Variants in AVPI1 observed in about 807,000 individuals in gnomAD.
AVPI1 encodes arginine vasopressin induced 1.
AVPI1 carries 9 observed loss-of-function variants against 11.9 expected under a neutral mutation model. That is an observed-to-expected ratio of 0.76 (90% CI 0.46 to 1.32). The LOEUF is 1.32. Ranked by LOEUF, AVPI1 falls within the 40% of genes most tolerant of loss-of-function variation. AVPI1 has a pLI of 0.00. For synonymous variants in AVPI1, 68 were observed against 78.1 expected (o/e 0.87, Z 0.68); for missense variants, 207 against 195.8 (o/e 1.06, Z -0.34).
At chr10:97,686,034 G>A (rs796176472) in intron 1 of AVPI1, among the ~76,000 whole-genome samples, 1 of 152,184 alleles carries the variant, frequency 6.6e-6, no homozygotes, top group Non-Finnish European at 1.5e-5. Flanking sequence ...TGTAATCCCA[G>A]CACTTTGGGA....
In AVPI1 at chr10:97,678,033, G is replaced by T; in HGVS notation, c.288-8C>A. 1 of 1,612,526 alleles carries T rather than the reference G, an allele frequency of 6.2e-7. No individual in the cohort carries two copies. Among genetic ancestry groups the T allele is most frequent in the South Asian group, 1.1e-5 (1 of 90,910 alleles). On this transcript the variant is annotated splice_polypyrimidine_tract_variant and splice_region_variant and intron_variant, in intron 2 of 2. Coordinates refer to ENST00000370626, the MANE Select transcript of AVPI1 (RefSeq NM_021732.3). ...GAGTGGGGCTCCAGGATTCTGCAGAGAACAAGTGTATGATTAGCCAACATC... is the reference window on the plus strand; with the variant it reads ...GAGTGGGGCTCCAGGATTCTGCAGATAACAAGTGTATGATTAGCCAACATC...
chr10:97,684,636 G>A (rs2041720305), intron 1 of AVPI1, among the ~76,000 whole-genome samples: 1 of 151,662 alleles, frequency 6.6e-6, no homozygotes, highest in South Asian at 2.1e-4. Flanking sequence ...AAGTAGCTGG[G>A]ATTACAGGTG....
intron 1 of AVPI1, among the ~76,000 whole-genome samples, chr10:97,683,953 G>C (rs1425084188): frequency 6.6e-6 from 1 of 151,858 alleles, no homozygotes. Flanking sequence ...AATTCCACCC[G>C]CAGGTAAGTC....
chr10:97,677,822 C>T lies in AVPI1; in HGVS notation c.*47G>A, dbSNP rs781241141. On this transcript the variant is annotated 3_prime_UTR_variant, in exon 3 of 3. Transcript: ENST00000370626. ...TCTCTCTTCCTTCACCTCCCCAGGC[C>T]TTTTGGCAAGAGGGAAGACACTGCC... The T allele has an allele frequency of 6.2e-7, 1 of 1,606,076 alleles. No homozygotes were observed. The highest frequency in any genetic ancestry group is 1.7e-5 in the Admixed American group (1 of 59,566).
At chr10:97,686,619 G>A (rs1332213907) in intron 1 of AVPI1, 147 bp downstream of exon 1, 2 of 152,206 alleles carry the variant, frequency 1.3e-5, no homozygotes, top group Admixed American at 6.5e-5. Context: ...GTCTTCTGGG[G>A]AAGGTCGGTC....
intron 2 of AVPI1, among the ~76,000 whole-genome samples, chr10:97,678,940 T>TTTTCAGAGACA (rs1564779855): frequency 9.6e-5 from 4 of 41,594 alleles, no homozygotes; most frequent in African/African-American, 2.0e-4. Flanking sequence ...TGTGTGTGTG[T>TTTTCAGAGACA]GTGTGTGTGT....
At chr10:97,686,668 T>A (rs4561136) in intron 1 of AVPI1, 98 bp downstream of exon 1, 1 of 152,130 alleles carries the variant, frequency 6.6e-6, no homozygotes, top group East Asian at 1.9e-4. Context: ...CTGTAGATTG[T>A]GGAAGGAGCA....
rs189135795 is a variant in AVPI1 at position 97,681,401 on chromosome 10, T to G, written c.-10-1486A>C. Among the ~76,000 whole-genome samples the G allele has an allele frequency of 7.5e-3, 1,142 of 151,532 alleles. 4 individuals are homozygous for G. The highest frequency in any genetic ancestry group is 0.012 in the Non-Finnish European group (846 of 67,926). Reference sequence around the variant, plus strand: ...AGTTCAAGACCAGCCTGACCAACATTGAGAAACTCCGTCTCTACTAAAAAT... The same window carrying G: ...AGTTCAAGACCAGCCTGACCAACATGGAGAAACTCCGTCTCTACTAAAAAT... On this transcript the variant is annotated intron_variant, in intron 1 of 2. Transcript: ENST00000370626.
intron 1 of AVPI1, 29 bp downstream of exon 1, chr10:97,686,737 C>T (rs1253376949): frequency 1.3e-5 from 2 of 152,298 alleles, no homozygotes; most frequent in African/African-American, 4.8e-5. Context: ...CACTCCACTG[C>T]CCGGTGGAGA....
chr10:97,687,176 C>A lies in AVPI1; in HGVS notation c.-421G>T, dbSNP rs1028391162. 6.6e-6 allele frequency: 1 copy of A among 152,402 alleles called. No homozygotes were observed. The highest frequency in any genetic ancestry group is 2.4e-5 in the African/African-American group (1 of 41,468). The allele number at this position is 152,402 out of a possible 1,614,324, so 9.4% of individuals were successfully genotyped here. On this transcript the variant is annotated 5_prime_UTR_variant, in exon 1 of 3. Coordinates refer to ENST00000370626, the MANE Select transcript of AVPI1 (RefSeq NM_021732.3). ...CTGGTCCGGGCCACTTGGGTCACAG[C>A]CGCGGTTCCCGGGAGAAAGCGCTCC... is the stretch of plus-strand genomic sequence containing the variant.
intron 2 of AVPI1, among the ~76,000 whole-genome samples, chr10:97,678,580 A>G (rs976644844): frequency 4.6e-5 from 7 of 151,998 alleles, no homozygotes; most frequent in Non-Finnish European, 1.0e-4. Flanking sequence ...CTGGGGAGAG[A>G]TCTCAAGGTA....
intron 2 of AVPI1, 115 bp from the exon 3 acceptor site, chr10:97,678,140 G>A (rs959608891): frequency 1.4e-5 from 16 of 1,155,276 alleles, no homozygotes; most frequent in African/African-American, 4.6e-5. Flanking sequence ...AAATGAGAGC[G>A]GGGCTCTGCT....
intron 1 of AVPI1, among the ~76,000 whole-genome samples, chr10:97,684,795 C>A (rs917716323): frequency 6.6e-6 from 1 of 151,986 alleles, no homozygotes; most frequent in East Asian, 1.9e-4. Context: ...CCACCATGAC[C>A]GGCCAAGCCC....
intron 2 of AVPI1, among the ~76,000 whole-genome samples, chr10:97,678,403 T>C (rs1165227316): frequency 6.6e-6 from 1 of 152,136 alleles, no homozygotes; most frequent in Non-Finnish European, 1.5e-5. Flanking sequence ...AAGGCCTGTT[T>C]AGGTCTGATG....
rs559721224 is a variant in AVPI1, at chr10:97,679,141, CTTTTTTTTT to C, written c.287+469_287+477del. ...ATATGACTCCAAAAGTAACAGCAAT[CTTTTTTTTT>C]TTTTTTTTGAGACAGAGTCTCGCTC... On this transcript the variant is annotated intron_variant, in intron 2 of 2. Coordinates refer to ENST00000370626, the MANE Select transcript of AVPI1 (RefSeq NM_021732.3). Among the ~76,000 whole-genome samples, 75 of 124,152 alleles carry C rather than the reference CTTTTTTTTT, an allele frequency of 6.0e-4. 1 individual carries two copies. Among genetic ancestry groups the C allele is most frequent in the African/African-American group, 2.3e-3 (73 of 31,778 alleles). 81.4% of individuals were successfully genotyped at this position (124,152 alleles called of 152,430 possible). A position where few individuals can be genotyped will look rare whatever the true frequency, so the allele number is the denominator to read the frequency against.
intron 1 of AVPI1, among the ~76,000 whole-genome samples, chr10:97,681,906 A>AG (rs2041706788): frequency 1.3e-5 from 2 of 151,258 alleles, no homozygotes; most frequent in Non-Finnish European, 2.9e-5. Flanking sequence ...AAAAAAAAAA[A>AG]AAAAGAAAAA....
Position 97,677,714 on chromosome 10 carries a change from G to GC in AVPI1, c.*154dup. 1.2e-6 allele frequency: 1 copy of GC among 821,516 alleles called. No homozygotes were observed. Among genetic ancestry groups the GC allele is most frequent in the South Asian group, 1.8e-5 (1 of 54,436 alleles). 50.9% of individuals were successfully genotyped at this position (821,516 alleles called of 1,614,324 possible). ...CCACATAATGGAGAGCTCAACAGAA[G>GC]CATCCAGTCTTGTTCTGAATGGAGC... On this transcript the variant is annotated 3_prime_UTR_variant, in exon 3 of 3. Transcript: ENST00000370626.
chr10:97,684,332 C>T (rs868376386), intron 1 of AVPI1, among the ~76,000 whole-genome samples: 1 of 152,090 alleles, frequency 6.6e-6, no homozygotes, highest in South Asian at 2.1e-4. Context: ...TCCCAACAAC[C>T]TCTCCCAGGA....
In AVPI1 at chr10:97,677,964, C is replaced by A. The variant is rs112410295; in HGVS notation, c.349G>T (p.Glu117Ter). Residue 117 changes from glutamate to a stop codon, truncating the protein, a stop_gained, in exon 3 of 3, where the codon GAG (glutamate) becomes TAG (stop). Transcript: ENST00000370626. LOFTEE classifies it high-confidence loss of function. Reference sequence around the variant, plus strand: ...TTCTTCCTAGAGTGCAGATACTGCTCACTGGAGGCTGTCTCTGTGGCACTC... The same window carrying A: ...TTCTTCCTAGAGTGCAGATACTGCTAACTGGAGGCTGTCTCTGTGGCACTC... ...PQSATETASS[E>*]QYLHSRKKSA... 2.5e-6 allele frequency: 4 copies of A among 1,614,152 alleles called. No homozygotes were observed. Among genetic ancestry groups the A allele is most frequent in the Non-Finnish European group, 3.4e-6 (4 of 1,180,026 alleles).
Sources: gnomAD v4.1 joint callset for allele counts (sites outside exome capture counted in the v4.1 genomes callset) on GRCh38, gnomAD v4.1.1 for gene constraint, MANE v1.5 for transcripts, NCBI Gene and HGNC (gene_info 2026-07-23, HGNC 2026-07-21) for gene names.